The following AP2B1 variants were observed in gnomAD, a reference collection of about 807,000 sequenced individuals.
AP2B1 encodes the protein adaptor related protein complex 2 subunit beta 1.
A neutral mutation model predicts 102.0 loss-of-function variants in AP2B1; 23 were observed. That is an observed-to-expected ratio of 0.23 (90% CI 0.16 to 0.32). The LOEUF (loss-of-function observed/expected upper bound fraction) is 0.32, where lower values mean the gene tolerates loss of function less well. Among genes scored for constraint, AP2B1 ranks in the 10% least tolerant of loss-of-function variants. AP2B1 has a pLI of 1.00. For missense variants in AP2B1, 541 were observed against 1,157.4 expected (o/e 0.47, Z 7.73); for synonymous variants, 381 against 421.2 (o/e 0.90, Z 1.17).
intron 17 of AP2B1, among the ~76,000 whole-genome samples, chr17:35,676,806 T>G (rs2075712562): frequency 6.6e-6 from 1 of 151,764 alleles, no homozygotes; most frequent in African/African-American, 2.4e-5. Flanking sequence ...TATCTTTCAC[T>G]TAAGTATCAG....
At chr17:35,701,642 G>T (rs2076241440) in intron 18 of AP2B1, among the ~76,000 whole-genome samples, 2 of 152,104 alleles carry the variant, frequency 1.3e-5, no homozygotes, top group African/African-American at 2.4e-5. Context: ...TCACTCTGTT[G>T]CCCAGGCTGG....
intron 12 of AP2B1, 24 bp from the exon 13 acceptor site, chr17:35,650,503 ACCT>A: frequency 1.2e-6 from 2 of 1,608,178 alleles, no homozygotes; most frequent in Middle Eastern, 3.3e-4. Context: ...TTTCATCTCC[ACCT>A]CCTTGCCTTT....
Position 35,641,995 on chromosome 17 carries a change from C to G in AP2B1, c.1536+20C>G, listed in dbSNP as rs57293658. The G allele has an allele frequency of 2.5e-3, 3,896 of 1,559,812 alleles. 85 individuals carry two copies. In the African/African-American group the frequency reaches 0.048, roughly 19 times the overall value. ...ACACAGGTAAGAAATCTGGAAAAAG[C>G]AAGATGTTGATTTGTCTTGTTTCAA... On this transcript the variant is annotated intron_variant, in intron 12 of 21. Coordinates refer to ENST00000610402, the MANE Select transcript of AP2B1 (RefSeq NM_001030006.2).
chr17:35,671,393 GGATACTT>G (rs1366920331), intron 15 of AP2B1, among the ~76,000 whole-genome samples: 42 of 152,220 alleles, frequency 2.8e-4, no homozygotes, highest in African/African-American at 9.6e-4. Flanking sequence ...TGTTTAAGTT[GGATACTT>G]CTCCCTCTTT....
At chr17:35,639,508 C>T (rs146309459) in intron 10 of AP2B1, 87 bp from the exon 11 acceptor site, 24 of 1,268,768 alleles carry the variant, frequency 1.9e-5, no homozygotes, top group Middle Eastern at 5.7e-4. Flanking sequence ...TTTAGGGTCC[C>T]TTGTTTGTGG....
At chr17:35,622,074 G>A (rs1013196733) in intron 5 of AP2B1, among the ~76,000 whole-genome samples, 32 of 152,144 alleles carry the variant, frequency 2.1e-4, no homozygotes, top group African/African-American at 7.7e-4. Flanking sequence ...TGAAGCACAT[G>A]GAAGGGATTA....
intron 12 of AP2B1, among the ~76,000 whole-genome samples, chr17:35,650,283 C>G (rs1021261319): frequency 6.6e-6 from 1 of 151,894 alleles, no homozygotes; most frequent in Admixed American, 6.6e-5. Flanking sequence ...TTTGTAGAGG[C>G]AAGGTTTTGC....
At position 35,725,485 on chromosome 17, in the gene AP2B1, G is replaced by A. The variant is rs1438691962; in HGVS notation, c.*1786G>A. 1 of 152,142 alleles carries A rather than the reference G, an allele frequency of 6.6e-6. No individual in the cohort carries two copies. The highest frequency in any genetic ancestry group is 2.4e-5 in the African/African-American group (1 of 41,416). The allele number at this position is 152,142 out of a possible 1,614,324, so 9.4% of individuals were successfully genotyped here. ...TTCATACCAGTTGCAAAGCTTGTGG[G>A]GAGCGGTCCCACAAAGCACTTTCTT... On this transcript the variant is annotated 3_prime_UTR_variant, in exon 22 of 22. Coordinates refer to ENST00000610402, the MANE Select transcript of AP2B1 (RefSeq NM_001030006.2).
At chr17:35,600,229 G>A (rs1257152787) in intron 3 of AP2B1, among the ~76,000 whole-genome samples, 1 of 151,952 alleles carries the variant, frequency 6.6e-6, no homozygotes, top group Admixed American at 6.6e-5. Flanking sequence ...TTACAGGCGT[G>A]CACCACTACC....
At chr17:35,614,744 C>T (rs1306869285) in intron 5 of AP2B1, among the ~76,000 whole-genome samples, 1 of 151,358 alleles carries the variant, frequency 6.6e-6, no homozygotes, top group Non-Finnish European at 1.5e-5. Context: ...TCAATTCAGG[C>T]CAAATATAAT....
At chr17:35,694,884 A>T (rs185139248) in intron 18 of AP2B1, among the ~76,000 whole-genome samples, 12 of 152,228 alleles carry the variant, frequency 7.9e-5, no homozygotes, top group Admixed American at 6.5e-4. Context: ...CTTCATCTCA[A>T]AAACAAAAAC....
At chr17:35,616,572 A>G (rs1030533135) in intron 5 of AP2B1, among the ~76,000 whole-genome samples, 2 of 152,196 alleles carry the variant, frequency 1.3e-5, no homozygotes, top group African/African-American at 4.8e-5. Context: ...CCTAATGTTA[A>G]CATCTTACGT....
intron 13 of AP2B1, among the ~76,000 whole-genome samples, chr17:35,651,871 AAACATGT>A (rs199749416): frequency 0.022 from 3,287 of 152,286 alleles, 67 homozygotes; most frequent in Admixed American, 0.072. Flanking sequence ...CCTTGTAGGC[AAACATGT>A]TTAACATTCT....
rs1488705890 is a variant in AP2B1, at chr17:35,725,047, T to C, written c.*1348T>C. 2 of 152,222 alleles carry C rather than the reference T, an allele frequency of 1.3e-5. No individual in the cohort carries two copies. Among genetic ancestry groups the C allele is most frequent in the African/African-American group, 2.4e-5 (1 of 41,452 alleles). 9.4% of individuals were successfully genotyped at this position (152,222 alleles called of 1,614,324 possible). A position where few individuals can be genotyped will look rare whatever the true frequency, so the allele number is the denominator to read the frequency against. On this transcript the variant is annotated 3_prime_UTR_variant, in exon 22 of 22. Transcript: ENST00000610402. ...AATGCTCTTTATCCCTTCAGCTCTC[T>C]GATCTGCTCTTTCTTCATGATACTT...
Position 35,599,472 on chromosome 17 carries a change from G to A in AP2B1, c.143+1137G>A, listed in dbSNP as rs544037998. On this transcript the variant is annotated intron_variant, in intron 3 of 21. Coordinates refer to ENST00000610402, the MANE Select transcript of AP2B1 (RefSeq NM_001030006.2). ...CTTAAAGACTTTTCTGAGGAGATTG[G>A]TGGTGAAATTAATGATTGTGATTAT... is the stretch of plus-strand genomic sequence containing the variant. Among the ~76,000 whole-genome samples the A allele has an allele frequency of 1.2e-4, 18 of 152,320 alleles. 1 individual carries two copies. The South Asian group carries it at 3.5e-3, about 30-fold the overall frequency.
At chr17:35,640,241 T>TATTTA (rs55728172) in intron 11 of AP2B1, among the ~76,000 whole-genome samples, 83 of 131,642 alleles carry the variant, frequency 6.3e-4, no homozygotes, top group Middle Eastern at 5.1e-3. Flanking sequence ...TTTTTTTTTT[T>TATTTA]TTTTTTTTTT....
chr17:35,679,233 C>T (rs1159135243), intron 17 of AP2B1, among the ~76,000 whole-genome samples: 1 of 152,154 alleles, frequency 6.6e-6, no homozygotes, highest in East Asian at 1.9e-4. Flanking sequence ...TTCTTAGCCT[C>T]TCTGAATCTA....
Position 35,605,754 on chromosome 17 carries a change from C to A in AP2B1, c.193C>A (p.Leu65Ile). The A allele has an allele frequency of 6.2e-7, 1 of 1,614,148 alleles. No individual in the cohort carries two copies. The highest frequency in any genetic ancestry group is 8.5e-7 in the Non-Finnish European group (1 of 1,179,986). ...VNCMQTDNLELKKLVYLYLMN... is the reference protein window; with the variant it reads ...VNCMQTDNLEIKKLVYLYLMN... Reference sequence around the variant, plus strand: ...CTGTATGCAGACTGACAATCTGGAACTAAAGAAGCTTGTGTATCTCTACTT... The same window carrying A: ...CTGTATGCAGACTGACAATCTGGAAATAAAGAAGCTTGTGTATCTCTACTT... Residue 65 changes from leucine to isoleucine, a missense_variant, in exon 4 of 22, where the codon CTA (leucine) becomes ATA (isoleucine). By Grantham distance (5) the Leu-to-Ile change is conservative. Coordinates refer to ENST00000610402, the MANE Select transcript of AP2B1 (RefSeq NM_001030006.2).
chr17:35,717,064 G>T, intron 20 of AP2B1, 131 bp from the exon 21 acceptor site: 2 of 973,376 alleles, frequency 2.1e-6, no homozygotes, highest in Non-Finnish European at 3.0e-6. Context: ...GGCTTCTGAA[G>T]TGTACACATG....
Sources: allele counts gnomAD v4.1 joint callset (sites outside exome capture counted in the v4.1 genomes callset), GRCh38; gene constraint gnomAD v4.1.1; transcripts MANE v1.5; gene names NCBI Gene and HGNC (gene_info 2026-07-23, HGNC 2026-07-21).